SGCD: variants seen among roughly 807,000 people sequenced by gnomAD.
The protein encoded by SGCD is sarcoglycan delta.
A neutral mutation model predicts 36.6 loss-of-function variants in SGCD; 18 were observed. The ratio of observed to expected loss-of-function variants is 0.49; its 90% CI spans 0.34 to 0.73. The LOEUF (loss-of-function observed/expected upper bound fraction) is 0.73, where lower values mean the gene tolerates loss of function less well. Ranked by LOEUF, SGCD falls within the 30% of genes least tolerant of loss-of-function variation. The pLI, the probability that SGCD is intolerant of heterozygous loss-of-function variation, is 0.01. For missense variants in SGCD, 387 were observed against 346.7 expected, an observed-to-expected ratio of 1.12 and a Z score of -0.92; for synonymous variants, 133 against 130.6, an observed-to-expected ratio of 1.02 and a Z score of -0.12.
At chr5:156,753,549 A>G (rs1757229453) in intron 7 of SGCD, among the ~76,000 whole-genome samples, 1 of 152,196 alleles carries the variant, frequency 6.6e-6, no homozygotes, top group Non-Finnish European at 1.5e-5. Context: ...TATTACTGCT[A>G]TAAAGAACTG....
At chr5:155,761,608 C>G in the SGCD span, among the ~76,000 whole-genome samples, 7 of 144,494 alleles carry the variant, frequency 4.8e-5, no homozygotes, top group African/African-American at 2.0e-4. Flanking sequence ...ATCACCCTCT[C>G]CATCATCCTC....
At chr5:156,138,746 C>T (rs1251131900) in intron 3 of SGCD, among the ~76,000 whole-genome samples, 7 of 152,188 alleles carry the variant, frequency 4.6e-5, no homozygotes, top group Admixed American at 2.6e-4. Context: ...GGTAGGTATA[C>T]ATTTAGTTTT....
intron 7 of SGCD, among the ~76,000 whole-genome samples, chr5:156,724,678 G>A (rs534721363): frequency 6.6e-6 from 1 of 152,234 alleles, no homozygotes; most frequent in East Asian, 1.9e-4. Context: ...ACTTATTATG[G>A]TGGTTGTTTA....
intron 3 of SGCD, among the ~76,000 whole-genome samples, chr5:156,408,791 C>T (rs1194263976): frequency 1.3e-5 from 2 of 152,170 alleles, no homozygotes; most frequent in Non-Finnish European, 2.9e-5. Flanking sequence ...TTTTCCAAGG[C>T]TAAGACCTCT....
At chr5:156,445,867 G>A (rs755852278) in intron 3 of SGCD, among the ~76,000 whole-genome samples, 19 of 152,004 alleles carry the variant, frequency 1.2e-4, no homozygotes, top group Non-Finnish European at 1.8e-4. Flanking sequence ...GTTTTTAACC[G>A]TCGTGTGCTC....
At chr5:156,654,771 T>TA (rs1465229706) in intron 7 of SGCD, among the ~76,000 whole-genome samples, 1 of 152,074 alleles carries the variant, frequency 6.6e-6, no homozygotes, top group African/African-American at 2.4e-5. Flanking sequence ...ATTTTAAAGT[T>TA]AAAAAAGAGT....
intron 1 of SGCD, among the ~76,000 whole-genome samples, chr5:155,879,379 T>C (rs759151632): frequency 6.6e-6 from 1 of 152,170 alleles, no homozygotes; most frequent in Non-Finnish European, 1.5e-5. Context: ...CACTGCTTCG[T>C]GGATGAGGCA....
the SGCD span, among the ~76,000 whole-genome samples, chr5:155,816,287 A>G: frequency 5.9e-5 from 9 of 152,286 alleles, no homozygotes; most frequent in East Asian, 1.4e-3. Flanking sequence ...TTAATAGCCT[A>G]CTGTTGCCTG....
At chr5:155,746,098 G>A in the SGCD span, among the ~76,000 whole-genome samples, 1 of 152,164 alleles carries the variant, frequency 6.6e-6, no homozygotes, top group Non-Finnish European at 1.5e-5. Context: ...CCATCATTAG[G>A]AGAGTGAATC....
chr5:156,357,720 T>C (rs572624917), intron 3 of SGCD, among the ~76,000 whole-genome samples: 47 of 152,304 alleles, frequency 3.1e-4, no homozygotes, highest in Middle Eastern at 6.8e-3. Flanking sequence ...GGCAAACAGT[T>C]CTCAGTAGTA....
chr5:156,177,841 G>A (rs184442178), intron 3 of SGCD, among the ~76,000 whole-genome samples: 230 of 152,134 alleles, frequency 1.5e-3, no homozygotes, highest in African/African-American at 3.1e-3. Context: ...TTTAATGGGC[G>A]GCATTGACCA....
At chr5:156,647,003 T>G (rs1763251258) in intron 6 of SGCD, among the ~76,000 whole-genome samples, 1 of 152,184 alleles carries the variant, frequency 6.6e-6, no homozygotes, top group African/African-American at 2.4e-5. Flanking sequence ...AAACTTTTGC[T>G]AGTCATTAGG....
the SGCD span, among the ~76,000 whole-genome samples, chr5:155,753,270 G>A: frequency 3.3e-5 from 5 of 151,446 alleles, no homozygotes; most frequent in Admixed American, 6.6e-5. Context: ...CCAGGAGATG[G>A]AGGTTGCAGT....
chr5:156,701,689 A>G (rs969050653), intron 7 of SGCD, among the ~76,000 whole-genome samples: 4 of 152,198 alleles, frequency 2.6e-5, no homozygotes, highest in East Asian at 1.9e-4. Context: ...TTAACAAGAG[A>G]CTCACCTAGA....
intron 3 of SGCD, among the ~76,000 whole-genome samples, chr5:156,424,250 T>C (rs1773569611): frequency 6.6e-6 from 1 of 152,010 alleles, no homozygotes; most frequent in Non-Finnish European, 1.5e-5. Context: ...TGTATCTGAT[T>C]TCTTCTTACT....
chr5:156,081,640 GCCTTA>G, intron 1 of SGCD, among the ~76,000 whole-genome samples: 1 of 152,068 alleles, frequency 6.6e-6, no homozygotes, highest in South Asian at 2.1e-4. Context: ...AAGCAATCCT[GCCTTA>G]GCCCCCACAA....
intron 1 of SGCD, among the ~76,000 whole-genome samples, chr5:155,887,721 GC>G (rs1349213398): frequency 1.3e-5 from 2 of 152,166 alleles, no homozygotes; most frequent in Admixed American, 6.5e-5. Context: ...TATAGTTATT[GC>G]CTATCTCTGT....
At chr5:156,376,183 T>C (rs1469550939) in intron 3 of SGCD, among the ~76,000 whole-genome samples, 1 of 152,198 alleles carries the variant, frequency 6.6e-6, no homozygotes, top group Non-Finnish European at 1.5e-5. Flanking sequence ...AAGAACCCAG[T>C]CTAAAGGAGG....
At position 156,727,504 on chromosome 5, in the gene SGCD, T is replaced by C. The variant is rs538351753; in HGVS notation, c.576-30077T>C. On this transcript the variant is annotated intron_variant, in intron 7 of 8. Transcript: ENST00000337851. Reference sequence around the variant, plus strand: ...CTTCTGGTCAATTGTTAAAAACATATAGAACTGAAGAATACCTAGGTTCTT... The same window carrying C: ...CTTCTGGTCAATTGTTAAAAACATACAGAACTGAAGAATACCTAGGTTCTT... Among the ~76,000 whole-genome samples the C allele has an allele frequency of 3.3e-5, 5 of 152,322 alleles. No individual in the cohort carries two copies. The East Asian group carries it at 9.6e-4, about 29-fold the overall frequency.
Sources: allele counts gnomAD v4.1 joint callset (sites outside exome capture counted in the v4.1 genomes callset), GRCh38; gene constraint gnomAD v4.1.1; transcripts MANE v1.5; gene names NCBI Gene and HGNC (gene_info 2026-07-23, HGNC 2026-07-21).